Variants in ITGB8 observed in about 807,000 individuals in gnomAD.
ITGB8 encodes integrin subunit beta 8, also known as integrin beta-8.
In ITGB8, 30 loss-of-function variants were observed where a neutral mutation model predicts 89.5. The observed-to-expected ratio is 0.34, with a 90% CI of 0.25 to 0.45. ITGB8 has a LOEUF of 0.45. Among genes scored for constraint, ITGB8 ranks in the 20% least tolerant of loss-of-function variants. The pLI, the probability that ITGB8 is intolerant of heterozygous loss-of-function variation, is 1.00. For missense variants in ITGB8, 836 were observed against 933.3 expected, an observed-to-expected ratio of 0.90 and a Z score of 1.36; for synonymous variants, 335 against 320.4, an observed-to-expected ratio of 1.05 and a Z score of -0.49.
intron 3 of ITGB8, among the ~76,000 whole-genome samples, chr7:20,375,902 A>T (rs1440330503): frequency 2.0e-5 from 3 of 152,216 alleles, no homozygotes; most frequent in African/African-American, 4.8e-5. Context: ...AAATATATTC[A>T]ACATGGCTTG....
At chr7:20,371,967 G>T (rs2127952450) in intron 3 of ITGB8, among the ~76,000 whole-genome samples, 1 of 151,946 alleles carries the variant, frequency 6.6e-6, no homozygotes, top group African/African-American at 2.4e-5. Context: ...GTTTTCTTTT[G>T]CCTTTTTCCT....
chr7:20,406,305 T>C (rs113875793), intron 12 of ITGB8, 134 bp downstream of exon 12: 16,874 of 603,164 alleles, frequency 0.028, 383 homozygotes, highest in African/African-American at 0.085. Flanking sequence ...AATCCCAGCA[T>C]TTTGGGAGGC....
chr7:20,376,621 T>C (rs10215853), intron 3 of ITGB8, among the ~76,000 whole-genome samples: 81,765 of 151,774 alleles, frequency 0.54, 22,735 homozygotes, highest in South Asian at 0.72. Flanking sequence ...TATCTCAAAC[T>C]AATGGGCATG....
intron 9 of ITGB8, among the ~76,000 whole-genome samples, chr7:20,401,101 C>T (rs1430373030): frequency 1.3e-5 from 2 of 152,092 alleles, no homozygotes; most frequent in African/African-American, 4.8e-5. Flanking sequence ...CAGCCTCCCT[C>T]CCAAGTAGCT....
chr7:20,404,484 TCA>T, intron 10 of ITGB8, 142 bp from the exon 11 acceptor site: 1 of 704,918 alleles, frequency 1.4e-6, no homozygotes, highest in Non-Finnish European at 2.5e-6. Context: ...ACTGTTTGTG[TCA>T]GACCAATGAA....
chr7:20,330,440 G>A (rs540429440), upstream of ITGB8, among the ~76,000 whole-genome samples: 207 of 152,290 alleles, frequency 1.4e-3, no homozygotes, highest in African/African-American at 4.4e-3. Flanking sequence ...AGCTGCCGCT[G>A]GCGCTGAGCG....
intron 1 of ITGB8, among the ~76,000 whole-genome samples, chr7:20,351,765 C>T (rs776441177): frequency 6.6e-6 from 1 of 152,158 alleles, no homozygotes; most frequent in Admixed American, 6.5e-5. Flanking sequence ...AAGTTCACAC[C>T]TGCAACGTGA....
At chr7:20,342,987 T>C (rs1386156861) in intron 1 of ITGB8, among the ~76,000 whole-genome samples, 1 of 152,230 alleles carries the variant, frequency 6.6e-6, no homozygotes. Context: ...AATTCCTGTT[T>C]TTCCCATTCA....
rs1225882896 is a variant in ITGB8, at chr7:20,336,252, G to A, written c.127+4319G>A. Among the ~76,000 whole-genome samples, 8 of 152,034 alleles carry A rather than the reference G, an allele frequency of 5.3e-5. No homozygotes were observed. In the East Asian group the frequency reaches 9.7e-4, roughly 18 times the overall value. On this transcript the variant is annotated intron_variant, in intron 1 of 13. Transcript: ENST00000222573. ...GATCTCCTGACCTCGTGATCTGCTC[G>A]CCTCGGCCTCCCAAAGTGCTGGGCT... is the stretch of plus-strand genomic sequence containing the variant.
intron 1 of ITGB8, among the ~76,000 whole-genome samples, chr7:20,355,024 T>C (rs1466736154): frequency 1.3e-5 from 2 of 152,232 alleles, no homozygotes; most frequent in African/African-American, 4.8e-5. Context: ...TTTATAGGGC[T>C]GGTGCACCCA....
intron 8 of ITGB8, among the ~76,000 whole-genome samples, chr7:20,395,196 T>C (rs990862442): frequency 1.1e-3 from 160 of 152,244 alleles, no homozygotes; most frequent in African/African-American, 3.5e-3. Flanking sequence ...ACTTTTCTCA[T>C]TGACAGTCAA....
At chr7:20,363,254 G>A (rs1785571062) in intron 1 of ITGB8, among the ~76,000 whole-genome samples, 1 of 152,134 alleles carries the variant, frequency 6.6e-6, no homozygotes, top group Non-Finnish European at 1.5e-5. Flanking sequence ...ACTCTAGAAT[G>A]CAAAGCACCT....
At chr7:20,380,067 T>C (rs950891032) in intron 4 of ITGB8, 16 of 152,304 alleles carry the variant, frequency 1.1e-4, no homozygotes, top group African/African-American at 3.9e-4. Context: ...GAAACAGCTC[T>C]GTCATCTGTT....
intron 3 of ITGB8, 59 bp downstream of exon 3, chr7:20,367,245 T>C: frequency 7.1e-6 from 9 of 1,260,532 alleles, no homozygotes; most frequent in Non-Finnish European, 1.0e-5. Context: ...CAATTTACTT[T>C]AATTTGCTCA....
chr7:20,343,289 C>A (rs1232475125), intron 1 of ITGB8, among the ~76,000 whole-genome samples: 1 of 152,140 alleles, frequency 6.6e-6, no homozygotes, highest in African/African-American at 2.4e-5. Flanking sequence ...TGGTTTTTAA[C>A]AGATAATGTA....
intron 1 of ITGB8, among the ~76,000 whole-genome samples, chr7:20,357,579 A>T (rs571427947): frequency 6.6e-6 from 1 of 152,352 alleles, no homozygotes; most frequent in South Asian, 2.1e-4. Context: ...CAGTTTCTTT[A>T]TCGAATGCCT....
intron 8 of ITGB8, among the ~76,000 whole-genome samples, chr7:20,398,598 G>A (rs1489888349): frequency 2.0e-5 from 3 of 152,016 alleles, no homozygotes; most frequent in Non-Finnish European, 2.9e-5. Context: ...TATCTTTGAA[G>A]GGCTCAAAAT....
rs1254752344 is a variant in ITGB8 at position 20,410,214 on chromosome 7, C to T, written c.*217C>T. On this transcript the variant is annotated 3_prime_UTR_variant, in exon 14 of 14. Transcript: ENST00000222573. The stretch of plus-strand genomic sequence containing the variant: ...AAATGTGTCTTACTACTGTTTGAGA[C>T]TAGTGTCGTTGTAGCACTTTACTGT... 3.2e-5 allele frequency: 17 copies of T among 529,018 alleles called. No homozygotes were observed. The highest frequency in any genetic ancestry group is 5.7e-5 in the Non-Finnish European group (17 of 296,780). The allele number at this position is 529,018 out of a possible 1,614,324, so 32.8% of individuals were successfully genotyped here.
intron 1 of ITGB8, among the ~76,000 whole-genome samples, chr7:20,333,403 A>G (rs1784475403): frequency 6.6e-6 from 1 of 152,196 alleles, no homozygotes; most frequent in Admixed American, 6.5e-5. Flanking sequence ...TTTTCCGCTA[A>G]GCATAATTTC....
Sources: allele counts gnomAD v4.1 joint callset (sites outside exome capture counted in the v4.1 genomes callset), GRCh38; gene constraint gnomAD v4.1.1; transcripts MANE v1.5; gene names NCBI Gene and HGNC (gene_info 2026-07-23, HGNC 2026-07-21).